Variants in SKP1 observed in about 807,000 individuals in gnomAD.
SKP1 encodes the protein S-phase kinase associated protein 1.
Under a neutral mutation model 21.5 loss-of-function variants are expected in SKP1, and 1 was observed. The ratio of observed to expected loss-of-function variants is 0.05; its 90% CI spans 0.02 to 0.22. SKP1 has a LOEUF of 0.22. SKP1 is among the 10% of genes least tolerant of loss of function. The probability of loss-of-function intolerance (pLI) is 1.00; values close to 1 mark genes in which losing one functional copy is unlikely to be tolerated. For missense variants in SKP1, 70 were observed against 192.0 expected, an observed-to-expected ratio of 0.36 and a Z score of 3.76; for synonymous variants, 59 against 59.3, an observed-to-expected ratio of 0.99 and a Z score of 0.03.
chr5:134,164,691 G>T (rs1761294418), intron 3 of SKP1, among the ~76,000 whole-genome samples: 1 of 152,152 alleles, frequency 6.6e-6, no homozygotes, highest in African/African-American at 2.4e-5. Flanking sequence ...CATAAAGAAT[G>T]AGATCTAACT....
Position 134,155,359 on chromosome 5 carries a change from AAAAG to A in SKP1, c.*2370_*2373del, listed in dbSNP as rs1360437269. ...AGTGGGCATACAGCAGGGAACAGGA[AAAAG>A]AAAGGTAGGAAAATAATACTGCAAC... On this transcript the variant is annotated 3_prime_UTR_variant, in exon 6 of 6. Coordinates refer to ENST00000353411, the MANE Select transcript of SKP1 (RefSeq NM_170679.3). The A allele has an allele frequency of 6.6e-6, 1 of 152,218 alleles. No individual in the cohort carries two copies. The highest frequency in any genetic ancestry group is 2.4e-5 in the African/African-American group (1 of 41,454). 9.4% of individuals were successfully genotyped at this position (152,218 alleles called of 1,614,324 possible).
chr5:134,161,217 T>C (rs1761212727), intron 3 of SKP1, 87 bp from the exon 4 acceptor site: 2 of 1,191,872 alleles, frequency 1.7e-6, no homozygotes, highest in Non-Finnish European at 2.3e-6. Context: ...TATATTGGAA[T>C]AATAACTAGC....
intron 2 of SKP1, among the ~76,000 whole-genome samples, chr5:134,173,033 A>G (rs1311733198): frequency 6.7e-6 from 1 of 149,376 alleles, no homozygotes; most frequent in East Asian, 2.0e-4. Context: ...AAAAAAAGAA[A>G]ATTAAAAAAT....
chr5:134,163,917 A>C (rs899109248), intron 3 of SKP1, among the ~76,000 whole-genome samples: 2 of 152,154 alleles, frequency 1.3e-5, no homozygotes, highest in African/African-American at 2.4e-5. Flanking sequence ...AGCTTCCACT[A>C]AACTCCTTGC....
At chr5:134,173,561 T>G in intron 2 of SKP1, 2 of 366,974 alleles carry the variant, frequency 5.4e-6, no homozygotes, top group Non-Finnish European at 1.1e-5. Flanking sequence ...AATAAGGTGT[T>G]CTATTCAGCC....
chr5:134,160,740 T>A (rs1230005194), intron 4 of SKP1, among the ~76,000 whole-genome samples: 6 of 152,238 alleles, frequency 3.9e-5, no homozygotes, highest in Non-Finnish European at 7.3e-5. Flanking sequence ...GTTCTGTCTA[T>A]ATATTTAAAG....
intron 3 of SKP1, among the ~76,000 whole-genome samples, chr5:134,162,439 CTT>C (rs1216145951): frequency 6.6e-6 from 1 of 152,120 alleles, no homozygotes; most frequent in East Asian, 1.9e-4. Context: ...GAGTTTCACT[CTT>C]GTTGCCCAGG....
At position 134,161,253 on chromosome 5, in the gene SKP1, G is replaced by A. The variant is rs7736395; in HGVS notation, c.172-123C>T. The A allele has an allele frequency of 0.015, 12,722 of 833,888 alleles. 745 individuals are homozygous for A. The African/African-American group carries it at 0.15, about 10-fold the overall frequency. The allele number at this position is 833,888 out of a possible 1,614,324, so 51.7% of individuals were successfully genotyped here. On this transcript the variant is annotated intron_variant, in intron 3 of 5. Transcript: ENST00000353411. ...TAGAGGTTGACTTGAGCCATTAACA[G>A]CCAAGCTTGAAAAACAAAAATGAAG... is the stretch of plus-strand genomic sequence containing the variant.
At chr5:134,168,127 T>G (rs181364433) in intron 2 of SKP1, among the ~76,000 whole-genome samples, 1 of 152,340 alleles carries the variant, frequency 6.6e-6, no homozygotes, top group African/African-American at 2.4e-5. Flanking sequence ...AAAGGAATAT[T>G]ACATAAAATA....
At chr5:134,164,599 C>T (rs929516147) in intron 3 of SKP1, among the ~76,000 whole-genome samples, 23 of 152,026 alleles carry the variant, frequency 1.5e-4, no homozygotes, top group African/African-American at 5.1e-4. Context: ...ACCAGGCATT[C>T]GACTACAAGC....
chr5:134,162,664 G>A (rs1230788135), intron 3 of SKP1, among the ~76,000 whole-genome samples: 2 of 152,172 alleles, frequency 1.3e-5, no homozygotes. Flanking sequence ...TGGGATTACA[G>A]GCGTGAGCCA....
At chr5:134,175,411 T>G (rs1352465010) in intron 1 of SKP1, 1 of 152,172 alleles carries the variant, frequency 6.6e-6, no homozygotes, top group African/African-American at 2.4e-5. Flanking sequence ...GGATGCAGAG[T>G]AGAGGACCCT....
intron 2 of SKP1, among the ~76,000 whole-genome samples, chr5:134,171,905 A>G (rs1761447654): frequency 6.6e-6 from 1 of 152,146 alleles, no homozygotes; most frequent in Non-Finnish European, 1.5e-5. Flanking sequence ...TTTGCCTCGC[A>G]TGGTGGCACA....
Position 134,157,675 on chromosome 5 carries a change from G to C in SKP1, c.*58C>G, listed in dbSNP as rs1438659652. On this transcript the variant is annotated 3_prime_UTR_variant, in exon 6 of 6. Coordinates refer to ENST00000353411, the MANE Select transcript of SKP1 (RefSeq NM_170679.3). ...TCTAATATTAACAATTATAAACAGA[G>C]CAGTGCAACTAGTATTTGGAACAAT... 1.0e-5 allele frequency: 13 copies of C among 1,299,954 alleles called. No homozygotes were observed. In the South Asian group the frequency reaches 1.5e-4, roughly 15 times the overall value. 80.5% of individuals were successfully genotyped at this position (1,299,954 alleles called of 1,614,324 possible). A position where few individuals can be genotyped will look rare whatever the true frequency, so the allele number is the denominator to read the frequency against.
At chr5:134,161,800 C>G (rs564613713) in intron 3 of SKP1, 1 of 152,196 alleles carries the variant, frequency 6.6e-6, no homozygotes, top group Admixed American at 6.5e-5. Flanking sequence ...AGGAAAAGCC[C>G]CAAAATTTCC....
rs192921498 is a variant in SKP1, at chr5:134,163,818, C to A, written c.172-2688G>T. ...CAAACAAACCAAACAAACAAAAAAA[C>A]CCCAAAAACCAAGCACTTCTCATTC... On this transcript the variant is annotated intron_variant, in intron 3 of 5. Transcript: ENST00000353411. 2.2e-3 allele frequency among the ~76,000 whole-genome samples: 333 copies of A among 151,968 alleles called. 2 individuals carry two copies. The highest frequency in any genetic ancestry group is 5.0e-3 in the South Asian group (24 of 4,798).
intron 2 of SKP1, among the ~76,000 whole-genome samples, chr5:134,173,099 G>A (rs1035458591): frequency 4.0e-5 from 6 of 151,872 alleles, no homozygotes; most frequent in Admixed American, 1.3e-4. Flanking sequence ...TTGGGAGGTC[G>A]AGGTGGGCGG....
chr5:134,175,317 TC>T (rs1195969476), intron 1 of SKP1: 1 of 152,242 alleles, frequency 6.6e-6, no homozygotes, highest in Non-Finnish European at 1.5e-5. Context: ...GAATCAGATT[TC>T]ACTTTGCGAT....
In SKP1 at chr5:134,155,565, A is replaced by G. The variant is rs1048128413; in HGVS notation, c.*2168T>C. The G allele has an allele frequency of 6.6e-6, 1 of 152,182 alleles. No homozygotes were observed. Among genetic ancestry groups the G allele is most frequent in the African/African-American group, 2.4e-5 (1 of 41,456 alleles). The allele number at this position is 152,182 out of a possible 1,614,324, so 9.4% of individuals were successfully genotyped here. A position where few individuals can be genotyped will look rare whatever the true frequency, so the allele number is the denominator to read the frequency against. On this transcript the variant is annotated 3_prime_UTR_variant, in exon 6 of 6. Transcript: ENST00000353411. ...GGAAACAAAAATTTAAATTACTACT[A>G]TATTGTCTGTCCATCCAATCTTTCT...
Sources: gnomAD v4.1 joint callset for allele counts (sites outside exome capture counted in the v4.1 genomes callset) on GRCh38, gnomAD v4.1.1 for gene constraint, MANE v1.5 for transcripts, NCBI Gene and HGNC (gene_info 2026-07-23, HGNC 2026-07-21) for gene names.